Variants in CALN1 observed in about 807,000 individuals in gnomAD.
CALN1 encodes calcium-binding protein 8.
A neutral mutation model predicts 30.6 loss-of-function variants in CALN1; 17 were observed. The ratio of observed to expected loss-of-function variants is 0.56; its 90% CI spans 0.38 to 0.83. The LOEUF (loss-of-function observed/expected upper bound fraction) is 0.83, where lower values mean the gene tolerates loss of function less well. Ranked by LOEUF, CALN1 falls within the 40% of genes least tolerant of loss-of-function variation. The pLI is 0.00. For synonymous variants in CALN1, 156 were observed against 131.4 expected (o/e 1.19, Z -1.28); for missense variants, 291 against 354.9 (o/e 0.82, Z 1.45).
intron 5 of CALN1, among the ~76,000 whole-genome samples, chr7:71,881,871 G>C (rs1044062043): frequency 1.3e-5 from 2 of 151,234 alleles, no homozygotes; most frequent in African/African-American, 4.9e-5. Flanking sequence ...CCAGGAGTTT[G>C]AGGTCAGCCT....
At chr7:71,942,652 T>A (rs1355414851) in intron 5 of CALN1, among the ~76,000 whole-genome samples, 1 of 152,222 alleles carries the variant, frequency 6.6e-6, no homozygotes, top group African/African-American at 2.4e-5. Context: ...TGTGATGGAA[T>A]GCTCTGTGGC....
intron 5 of CALN1, among the ~76,000 whole-genome samples, chr7:72,017,062 G>T (rs1800431087): frequency 6.8e-6 from 1 of 147,766 alleles, no homozygotes; most frequent in African/African-American, 2.6e-5. Context: ...TACTTGGGAG[G>T]CTGAAGCATG....
the CALN1 span, among the ~76,000 whole-genome samples, chr7:72,487,917 A>G: frequency 0.11 from 6,800 of 60,626 alleles, 526 homozygotes; most frequent in Non-Finnish European, 0.13. Context: ...AAAGAAAGAA[A>G]GAAGGAAGGA....
intron 5 of CALN1, among the ~76,000 whole-genome samples, chr7:71,859,920 T>A (rs1791172777): frequency 6.6e-6 from 1 of 152,170 alleles, no homozygotes; most frequent in Non-Finnish European, 1.5e-5. Flanking sequence ...AACAGATTGA[T>A]AACATTTACT....
chr7:71,797,534 G>A (rs1428497299), intron 6 of CALN1, among the ~76,000 whole-genome samples: 1 of 152,178 alleles, frequency 6.6e-6, no homozygotes, highest in African/African-American at 2.4e-5. Context: ...TGGAATAAGA[G>A]TGAGACTGGT....
In CALN1 at chr7:71,946,661, C is replaced by T. The variant is rs191053981; in HGVS notation, c.501+76996G>A. Among the ~76,000 whole-genome samples the T allele has an allele frequency of 5.9e-5, 9 of 152,038 alleles. No homozygotes were observed. In the East Asian group the frequency reaches 1.7e-3, roughly 29 times the overall value. On this transcript the variant is annotated intron_variant, in intron 5 of 6. Transcript: ENST00000395275. ...ACAGGTGTGAGCCACCATGCCTAGACAGCCAAGAACGTTACATACACATAC... is the reference window on the plus strand; with the variant it reads ...ACAGGTGTGAGCCACCATGCCTAGATAGCCAAGAACGTTACATACACATAC...
At chr7:72,209,698 G>A (rs956443604) in intron 3 of CALN1, among the ~76,000 whole-genome samples, 14 of 151,838 alleles carry the variant, frequency 9.2e-5, no homozygotes, top group Non-Finnish European at 1.5e-4. Flanking sequence ...TTTGGCTATC[G>A]GGCTCTTTAT....
At chr7:72,057,832 T>A (rs1584851894) in intron 4 of CALN1, among the ~76,000 whole-genome samples, 1 of 152,190 alleles carries the variant, frequency 6.6e-6, no homozygotes, top group Non-Finnish European at 1.5e-5. Flanking sequence ...TGTATTGGCA[T>A]GAAATATGTT....
At chr7:72,146,822 C>A (rs887154304) in intron 3 of CALN1, among the ~76,000 whole-genome samples, 1 of 152,176 alleles carries the variant, frequency 6.6e-6, no homozygotes, top group Non-Finnish European at 1.5e-5. Flanking sequence ...CACACATCTA[C>A]AACTATCTGA....
rs186822684 is a variant in CALN1 at position 72,310,729 on chromosome 7, C to T, written c.120-31919G>A. Among the ~76,000 whole-genome samples the T allele has an allele frequency of 9.9e-5, 15 of 151,634 alleles. No individual in the cohort carries two copies. In the East Asian group the frequency reaches 2.9e-3, roughly 30 times the overall value. On this transcript the variant is annotated intron_variant, in intron 2 of 6. Coordinates refer to ENST00000395275, the MANE Select transcript of CALN1 (RefSeq NM_031468.4). ...GACCAGCCTGGTCAACATGATGAAACCCTATCTCTACAAAAAATACAAAAT... is the reference window on the plus strand; with the variant it reads ...GACCAGCCTGGTCAACATGATGAAATCCTATCTCTACAAAAAATACAAAAT...
At chr7:72,254,304 C>A (rs1401817669) in intron 3 of CALN1, among the ~76,000 whole-genome samples, 4 of 152,174 alleles carry the variant, frequency 2.6e-5, no homozygotes, top group Non-Finnish European at 2.9e-5. Flanking sequence ...TTTTGTTGCA[C>A]ATAATTTGCT....
At chr7:71,982,232 G>A (rs949767577) in intron 5 of CALN1, among the ~76,000 whole-genome samples, 8 of 152,166 alleles carry the variant, frequency 5.3e-5, no homozygotes, top group African/African-American at 1.9e-4. Context: ...AAAAATGAAG[G>A]TGGCGGTGGC....
chr7:71,864,939 G>T (rs1467075425), intron 5 of CALN1, among the ~76,000 whole-genome samples: 1 of 152,066 alleles, frequency 6.6e-6, no homozygotes, highest in Admixed American at 6.6e-5. Flanking sequence ...GGAGGTGGAT[G>T]TTGCAGTGAG....
chr7:72,240,903 C>T (rs1316959850), intron 3 of CALN1, among the ~76,000 whole-genome samples: 1 of 152,184 alleles, frequency 6.6e-6, no homozygotes, highest in Non-Finnish European at 1.5e-5. Context: ...CCTGTTTACA[C>T]TGGACAAATA....
chr7:72,007,177 C>T (rs1799815904), intron 5 of CALN1, among the ~76,000 whole-genome samples: 1 of 152,186 alleles, frequency 6.6e-6, no homozygotes, highest in Admixed American at 6.5e-5. Context: ...ACGTATGGCA[C>T]GTGACTGACT....
intron 2 of CALN1, among the ~76,000 whole-genome samples, chr7:72,395,654 C>T (rs1385272604): frequency 1.3e-5 from 2 of 152,002 alleles, no homozygotes; most frequent in Non-Finnish European, 2.9e-5. Flanking sequence ...AGTCAGATTG[C>T]CAAGAGGTGG....
chr7:71,809,725 A>T (rs534643345), intron 6 of CALN1, among the ~76,000 whole-genome samples: 41 of 151,172 alleles, frequency 2.7e-4, no homozygotes, highest in Non-Finnish European at 4.3e-4. Context: ...TTTCATGAAT[A>T]AAAAAAAATA....
chr7:71,972,236 A>T (rs1797884213), intron 5 of CALN1, among the ~76,000 whole-genome samples: 1 of 152,134 alleles, frequency 6.6e-6, no homozygotes, highest in African/African-American at 2.4e-5. Flanking sequence ...TAATGATGAC[A>T]TTCAATTCGT....
At chr7:72,034,879 A>G (rs902378355) in intron 4 of CALN1, among the ~76,000 whole-genome samples, 5 of 151,976 alleles carry the variant, frequency 3.3e-5, no homozygotes, top group South Asian at 4.2e-4. Flanking sequence ...AAGTTGAAGA[A>G]GCAAGGTACA....
Sources: gnomAD v4.1 joint callset for allele counts (sites outside exome capture counted in the v4.1 genomes callset) on GRCh38, gnomAD v4.1.1 for gene constraint, MANE v1.5 for transcripts, NCBI Gene and HGNC (gene_info 2026-07-23, HGNC 2026-07-21) for gene names.